The following CUL3 variants were observed in gnomAD, a reference collection of about 807,000 sequenced individuals.
CUL3 encodes cullin-3.
In CUL3, 19 loss-of-function variants were observed where a neutral mutation model predicts 89.1. That is an observed-to-expected ratio of 0.21 (90% CI 0.15 to 0.31). CUL3 has a LOEUF of 0.31. CUL3 is among the 10% of genes least tolerant of loss of function. The pLI, the probability that CUL3 is intolerant of heterozygous loss-of-function variation, is 1.00. For missense variants in CUL3, 469 were observed against 942.3 expected (o/e 0.50, Z 6.58); for synonymous variants, 351 against 308.4 (o/e 1.14, Z -1.45).
chr2:224,503,670 G>GT lies in CUL3; in HGVS notation c.1358dup (p.Asn453LysfsTer5), dbSNP rs1366667901. 2 of 1,590,196 alleles carry GT rather than the reference G, an allele frequency of 1.3e-6. No homozygotes were observed. Among genetic ancestry groups the GT allele is most frequent in the South Asian group, 1.2e-5 (1 of 85,824 alleles). On this transcript the variant is annotated frameshift_variant, in exon 9 of 16. Coordinates refer to ENST00000264414, the MANE Select transcript of CUL3 (RefSeq NM_003590.5). LOFTEE classifies it high-confidence loss of function. Reference sequence around the variant, plus strand: ...ACCTTACCTTTAACTTAGATATCATGTTTTTTTCAGAGTCATCAGAAACAC... The same window carrying GT: ...ACCTTACCTTTAACTTAGATATCATGTTTTTTTTCAGAGTCATCAGAAACAC...
At chr2:224,582,799 T>C (rs1695471758) in intron 1 of CUL3, among the ~76,000 whole-genome samples, 4 of 152,230 alleles carry the variant, frequency 2.6e-5, no homozygotes, top group Admixed American at 6.5e-5. Context: ...GGGATCTTGG[T>C]CTTTCTAGCT....
intron 14 of CUL3, among the ~76,000 whole-genome samples, chr2:224,480,564 CTA>C (rs1276489993): frequency 6.6e-6 from 1 of 152,128 alleles, no homozygotes; most frequent in Non-Finnish European, 1.5e-5. Flanking sequence ...ACACGAAAAT[CTA>C]AAAATCTATG....
chr2:224,491,350 G>A (rs1224349975), intron 13 of CUL3, among the ~76,000 whole-genome samples: 1 of 151,990 alleles, frequency 6.6e-6, no homozygotes, highest in Non-Finnish European at 1.5e-5. Context: ...ATGATTCCTG[G>A]GAAGGCTATG....
chr2:224,546,783 A>T (rs1345561790), intron 2 of CUL3, among the ~76,000 whole-genome samples: 3 of 152,072 alleles, frequency 2.0e-5, no homozygotes, highest in Non-Finnish European at 2.9e-5. Flanking sequence ...CTCCCCTAAC[A>T]TCATTTCTCT....
At chr2:224,476,214 G>C (rs982188059) in intron 15 of CUL3, among the ~76,000 whole-genome samples, 1 of 151,876 alleles carries the variant, frequency 6.6e-6, no homozygotes, top group Non-Finnish European at 1.5e-5. Flanking sequence ...ACGGGGTTTC[G>C]CTGTGTTTGT....
At chr2:224,496,025 G>A (rs921606310) in intron 12 of CUL3, 59 bp from the exon 13 acceptor site, 20 of 1,560,598 alleles carry the variant, frequency 1.3e-5, no homozygotes, top group Admixed American at 1.7e-5. Flanking sequence ...TAACATTAAT[G>A]TATGTATGTA....
intron 1 of CUL3, among the ~76,000 whole-genome samples, chr2:224,572,079 A>G (rs1056579102): frequency 5.3e-5 from 8 of 152,220 alleles, no homozygotes; most frequent in African/African-American, 1.9e-4. Flanking sequence ...ATAATTAAAT[A>G]GGCCAGTGTT....
chr2:224,512,326 G>A (rs764789823), intron 5 of CUL3, among the ~76,000 whole-genome samples: 2 of 152,034 alleles, frequency 1.3e-5, no homozygotes, highest in Non-Finnish European at 2.9e-5. Context: ...TCAATCTCCT[G>A]ATATAGTGAT....
At chr2:224,521,385 G>A (rs1693254324) in intron 3 of CUL3, among the ~76,000 whole-genome samples, 1 of 151,702 alleles carries the variant, frequency 6.6e-6, no homozygotes, top group Non-Finnish European at 1.5e-5. Flanking sequence ...AAAGTTTAAG[G>A]GAGCTTTTAA....
At chr2:224,541,306 G>C (rs1198720947) in intron 2 of CUL3, among the ~76,000 whole-genome samples, 1 of 151,794 alleles carries the variant, frequency 6.6e-6, no homozygotes, top group Non-Finnish European at 1.5e-5. Flanking sequence ...TCACCAAAGA[G>C]GATATACAGA....
chr2:224,519,685 T>C (rs1329402661), intron 3 of CUL3, among the ~76,000 whole-genome samples: 1 of 152,180 alleles, frequency 6.6e-6, no homozygotes, highest in Non-Finnish European at 1.5e-5. Flanking sequence ...TTAATTACCA[T>C]CAAGTACAAT....
chr2:224,508,086 A>G (rs1400610180), intron 6 of CUL3, among the ~76,000 whole-genome samples: 1 of 147,964 alleles, frequency 6.8e-6, no homozygotes, highest in East Asian at 2.0e-4. Context: ...ATTTATATAA[A>G]TTTTCATGTG....
chr2:224,535,491 G>A (rs2106263881), intron 3 of CUL3, 37 bp downstream of exon 3: 4 of 1,422,398 alleles, frequency 2.8e-6, no homozygotes, highest in South Asian at 2.7e-5. Flanking sequence ...ATGCTTAACT[G>A]CTTAAAGGAA....
chr2:224,538,694 A>G (rs934444157), intron 2 of CUL3, among the ~76,000 whole-genome samples: 1 of 152,236 alleles, frequency 6.6e-6, no homozygotes, highest in African/African-American at 2.4e-5. Context: ...TGGAAGAACA[A>G]GTAGCAACAC....
chr2:224,508,870 G>A (rs1379289995), intron 6 of CUL3, among the ~76,000 whole-genome samples: 8 of 149,538 alleles, frequency 5.3e-5, no homozygotes, highest in Non-Finnish European at 1.5e-5. Context: ...GCTGAGGCAG[G>A]AGAATGGCAT....
Position 224,585,209 on chromosome 2 carries a change from T to C in CUL3, c.-200A>G, listed in dbSNP as rs950830586. 2.2e-5 allele frequency: 8 copies of C among 356,016 alleles called. No individual in the cohort carries two copies. The highest frequency in any genetic ancestry group is 1.3e-4 in the African/African-American group (6 of 45,198). 22.1% of individuals were successfully genotyped at this position (356,016 alleles called of 1,614,324 possible). On this transcript the variant is annotated 5_prime_UTR_variant, in exon 1 of 16. Transcript: ENST00000264414. ...GCGGCGGCGGCGGCGGCTCGGACTC[T>C]GGCGACTCCGATGCGGCTGGGGGGC...
At chr2:224,518,629 G>A (rs1034176315) in intron 3 of CUL3, among the ~76,000 whole-genome samples, 1 of 152,086 alleles carries the variant, frequency 6.6e-6, no homozygotes, top group Non-Finnish European at 1.5e-5. Context: ...TATGATCCTG[G>A]CTCTACTGTT....
intron 13 of CUL3, among the ~76,000 whole-genome samples, chr2:224,488,847 G>A (rs1009334278): frequency 2.6e-5 from 4 of 152,148 alleles, no homozygotes; most frequent in South Asian, 2.1e-4. Flanking sequence ...GAGGAACATC[G>A]ATGTGAAAAT....
At chr2:224,549,416 T>C (rs904861699) in intron 2 of CUL3, among the ~76,000 whole-genome samples, 7 of 152,192 alleles carry the variant, frequency 4.6e-5, no homozygotes, top group African/African-American at 1.7e-4. Context: ...TCCTAAGTCT[T>C]AATAACCTAA....
Sources: allele counts gnomAD v4.1 joint callset (sites outside exome capture counted in the v4.1 genomes callset), GRCh38; gene constraint gnomAD v4.1.1; transcripts MANE v1.5; gene names NCBI Gene and HGNC (gene_info 2026-07-23, HGNC 2026-07-21).